The following DDX56 variants were observed in gnomAD, a reference collection of about 807,000 sequenced individuals.
The protein encoded by DDX56 is probable ATP-dependent RNA helicase DDX56.
Under a neutral mutation model 61.5 loss-of-function variants are expected in DDX56, and 45 were observed. The ratio of observed to expected loss-of-function variants is 0.73; its 90% CI spans 0.58 to 0.94. The LOEUF (loss-of-function observed/expected upper bound fraction) is 0.94. Among genes scored for constraint, DDX56 ranks in the 40% least tolerant of loss-of-function variants. The pLI, the probability that DDX56 is intolerant of heterozygous loss-of-function variation, is 0.00. For missense variants in DDX56, 708 were observed against 690.7 expected (o/e 1.02, Z -0.28); for synonymous variants, 273 against 268.3 (o/e 1.02, Z -0.17).
chr7:44,566,740 C>T (rs217380), intron 12 of DDX56, among the ~76,000 whole-genome samples: 103,671 of 152,016 alleles, frequency 0.68, 36,727 homozygotes, highest in African/African-American at 0.88. Context: ...TTTGTTACAA[C>T]AAACATGTAA....
At chr7:44,568,665 T>C (rs951471515) in intron 11 of DDX56, among the ~76,000 whole-genome samples, 8 of 151,944 alleles carry the variant, frequency 5.3e-5, no homozygotes, top group Non-Finnish European at 1.0e-4. Flanking sequence ...GAATTTCGGA[T>C]GAAAGGACAC....
chr7:44,571,290 C>T (rs749123790), intron 6 of DDX56, among the ~76,000 whole-genome samples: 8 of 152,198 alleles, frequency 5.3e-5, no homozygotes, highest in Middle Eastern at 3.2e-3. Flanking sequence ...CCGCCCACCT[C>T]GGCCTCCCAA....
At chr7:44,571,372 A>G in intron 6 of DDX56, 120 bp downstream of exon 6, 17 of 1,172,006 alleles carry the variant, frequency 1.5e-5, no homozygotes, top group Non-Finnish European at 2.1e-5. Context: ...GGGAGAAGTC[A>G]GTATCAGTCA....
At position 44,566,007 on chromosome 7, in the gene DDX56, A is replaced by G; in HGVS notation, c.1639T>C (p.Ser547Pro). Residue 547 changes from serine (S) to proline (P), a missense_variant, in exon 14 of 14, where the codon TCC (serine) becomes CCC (proline). By Grantham distance (74) the Ser-to-Pro change is moderately conservative. Coordinates refer to ENST00000258772, the MANE Select transcript of DDX56 (RefSeq NM_019082.4). The stretch of plus-strand genomic sequence containing the variant: ...TCCAGAGAGGCCCAACAACCTCAGG[A>G]GGGCTTGGCTGTGGGTCTGAATTTC... Reference protein sequence around the residue: ...GKKFRPTAKPS With the variant: ...GKKFRPTAKPP The G allele has an allele frequency of 6.2e-7, 1 of 1,611,922 alleles. No homozygotes were observed. Among genetic ancestry groups the G allele is most frequent in the Non-Finnish European group, 8.5e-7 (1 of 1,179,150 alleles).
rs762227854 is a variant in DDX56, at chr7:44,573,787, G to A, written c.61-43C>T. On this transcript the variant is annotated intron_variant, in intron 1 of 13. Coordinates refer to ENST00000258772, the MANE Select transcript of DDX56 (RefSeq NM_019082.4). ...CGGTTTAAGCGGCGTGAAGAGCGAT[G>A]GCGCGCCCCGCAGAGCCCGTAAGCC... The A allele has an allele frequency of 5.0e-6, 8 of 1,613,414 alleles. 1 individual carries two copies. The highest frequency in any genetic ancestry group is 4.4e-5 in the South Asian group (4 of 91,082).
At chr7:44,571,937 A>G (rs1802685462) in intron 5 of DDX56, among the ~76,000 whole-genome samples, 1 of 152,222 alleles carries the variant, frequency 6.6e-6, no homozygotes, top group South Asian at 2.1e-4. Context: ...TATACCATAT[A>G]AACCATATAT....
intron 5 of DDX56, among the ~76,000 whole-genome samples, chr7:44,572,077 T>C (rs1287577010): frequency 6.6e-6 from 1 of 152,238 alleles, no homozygotes; most frequent in African/African-American, 2.4e-5. Context: ...CCTTAGAATT[T>C]TGGCTCTGCT....
chr7:44,569,066 G>T, intron 10 of DDX56, 64 bp downstream of exon 10: 1 of 1,611,180 alleles, frequency 6.2e-7, no homozygotes. Context: ...TGCTCAGCAA[G>T]ACGGTGCAAT....
rs765181018 is a variant in DDX56 at position 44,566,470 on chromosome 7, G to A, written c.1544C>T (p.Ser515Phe). Reference sequence around the variant, plus strand: ...TACCTTGGCCTTCCTACAAGAGGAAGACAGCTTCTTCCGCTTCTTGTGAGG... The same window carrying A: ...TACCTTGGCCTTCCTACAAGAGGAAAACAGCTTCTTCCGCTTCTTGTGAGG... ...VRPHKKRKKLSSSCRKAKRAK... is the reference protein window; with the variant it reads ...VRPHKKRKKLFSSCRKAKRAK... The change falls in exon 13 of 14, where the codon TCT becomes TTT. Residue 515 changes from serine (S) to phenylalanine (F), a missense_variant. Ser to Phe is a radical substitution (Grantham distance 155). Coordinates refer to ENST00000258772, the MANE Select transcript of DDX56 (RefSeq NM_019082.4). The A allele has an allele frequency of 6.4e-6, 10 of 1,561,422 alleles. No homozygotes were observed. The East Asian group carries it at 2.4e-4, about 38-fold the overall frequency.
At chr7:44,566,427 C>T (rs377416632) in intron 13 of DDX56, 21 bp downstream of exon 13, 20 of 1,540,106 alleles carry the variant, frequency 1.3e-5, no homozygotes, top group Non-Finnish European at 1.6e-5. Context: ...TGGGGCTGTC[C>T]GCAGTCCCCA....
At chr7:44,572,302 T>G in intron 5 of DDX56, 45 bp downstream of exon 5, 1 of 1,508,628 alleles carries the variant, frequency 6.6e-7, no homozygotes, top group African/African-American at 1.4e-5. Flanking sequence ...GATCTTTGAG[T>G]GCCCCCATGT....
At chr7:44,569,550 G>T (rs1274015208) in intron 9 of DDX56, among the ~76,000 whole-genome samples, 1 of 152,066 alleles carries the variant, frequency 6.6e-6, no homozygotes, top group Non-Finnish European at 1.5e-5. Context: ...GGGGTCAGGT[G>T]CTGTCCTGAG....
intron 12 of DDX56, 149 bp from the exon 13 acceptor site, chr7:44,566,673 G>A (rs760638658): frequency 1.8e-4 from 101 of 572,370 alleles, no homozygotes; most frequent in Non-Finnish European, 1.9e-4. Flanking sequence ...ACAGGGCCAG[G>A]AGAATGTGAG....
rs1310907762 is a variant in DDX56 at position 44,572,356 on chromosome 7, T to C, written c.636A>G (p.Leu212=). The change falls in exon 5 of 14, where the codon TTA becomes TTG. Residue 212 remains leucine (L), a synonymous_variant. Transcript: ENST00000258772. ...EDVQALKELI[L]HNPVTLKLQE... ...CCATGGTGCCTCTTACCGGGTTATG[T>C]AATATCAGCTCCTTGAGTGCTTGTA... The C allele has an allele frequency of 1.2e-6, 2 of 1,613,946 alleles. No individual in the cohort carries two copies. Among genetic ancestry groups the C allele is most frequent in the African/African-American group, 1.3e-5 (1 of 75,054 alleles).
At chr7:44,566,647 T>G in intron 12 of DDX56, 123 bp from the exon 13 acceptor site, 1 of 673,864 alleles carries the variant, frequency 1.5e-6, no homozygotes, top group Non-Finnish European at 2.5e-6. Context: ...ATACATCTAT[T>G]CACTACCACA....
At chr7:44,566,619 CA>C (rs1210953810) in intron 12 of DDX56, 95 bp from the exon 13 acceptor site, 3 of 940,352 alleles carry the variant, frequency 3.2e-6, no homozygotes, top group Non-Finnish European at 4.8e-6. Context: ...AATTCTGACC[CA>C]ACTGGCAGCC....
chr7:44,566,132 C>A, intron 13 of DDX56, 53 bp from the exon 14 acceptor site: 1 of 1,036,560 alleles, frequency 9.6e-7, no homozygotes, highest in Non-Finnish European at 1.4e-6. Flanking sequence ...ACAGACAATC[C>A]ACCCACCCAC....
At chr7:44,569,328 C>CG in intron 9 of DDX56, 125 bp from the exon 10 acceptor site, 2 of 852,658 alleles carry the variant, frequency 2.3e-6, no homozygotes, top group Non-Finnish European at 3.6e-6. Context: ...CCTGGGATGC[C>CG]GAACATGCAG....
chr7:44,573,406 G>A (rs1273318855), intron 2 of DDX56, among the ~76,000 whole-genome samples, 177 bp downstream of exon 2: 1 of 152,202 alleles, frequency 6.6e-6, no homozygotes, highest in Non-Finnish European at 1.5e-5. Context: ...TAGCAGGGCC[G>A]GACAAGGATC....
Sources: allele counts gnomAD v4.1 joint callset (sites outside exome capture counted in the v4.1 genomes callset), GRCh38; gene constraint gnomAD v4.1.1; transcripts MANE v1.5; gene names NCBI Gene and HGNC (gene_info 2026-07-23, HGNC 2026-07-21).